The following MPPED2 variants were observed in gnomAD, a reference collection of about 807,000 sequenced individuals.
MPPED2 encodes metallophosphoesterase MPPED2.
MPPED2 carries 5 observed loss-of-function variants against 33.0 expected under a neutral mutation model. The observed-to-expected ratio is 0.15, with a 90% CI of 0.08 to 0.32. The LOEUF is 0.32. Among genes scored for constraint, MPPED2 ranks in the 10% least tolerant of loss-of-function variants. The pLI is 1.00. For synonymous variants in MPPED2, 136 were observed against 141.9 expected, an observed-to-expected ratio of 0.96 and a Z score of 0.29; for missense variants, 275 against 372.1, an observed-to-expected ratio of 0.74 and a Z score of 2.15.
intron 2 of MPPED2, among the ~76,000 whole-genome samples, chr11:30,545,457 C>T (rs1955361532): frequency 6.6e-6 from 1 of 152,118 alleles, no homozygotes; most frequent in African/African-American, 2.4e-5. Context: ...CAACATCCTA[C>T]ACCGAGTCTC....
At chr11:30,408,278 A>C (rs1948021215), downstream of MPPED2, among the ~76,000 whole-genome samples, 1 of 152,164 alleles carries the variant, frequency 6.6e-6, no homozygotes, top group Admixed American at 6.5e-5. Flanking sequence ...GCGAGCTGCT[A>C]CTTGAGGGAT....
chr11:30,491,435 C>T (rs1276627405), intron 4 of MPPED2, among the ~76,000 whole-genome samples: 1 of 152,184 alleles, frequency 6.6e-6, no homozygotes, highest in Non-Finnish European at 1.5e-5. Flanking sequence ...TCTAATCTCA[C>T]TCCTAGTCCC....
At chr11:30,557,694 C>A (rs975502159) in intron 2 of MPPED2, among the ~76,000 whole-genome samples, 3 of 152,156 alleles carry the variant, frequency 2.0e-5, no homozygotes, top group Non-Finnish European at 2.9e-5. Flanking sequence ...TCCCATATTC[C>A]CATTTATATA....
intron 3 of MPPED2, chr11:30,504,680 C>T (rs964201962): frequency 2.3e-6 from 2 of 880,442 alleles, no homozygotes; most frequent in Non-Finnish European, 3.2e-6. Context: ...CAGTCTGTCC[C>T]CCGTCAGGCT....
At chr11:30,521,004 A>T (rs1953844155) in intron 3 of MPPED2, among the ~76,000 whole-genome samples, 1 of 152,180 alleles carries the variant, frequency 6.6e-6, no homozygotes, top group African/African-American at 2.4e-5. Context: ...GAAAATTTTT[A>T]AATGAAAATG....
intron 3 of MPPED2, among the ~76,000 whole-genome samples, chr11:30,514,010 A>C (rs992160284): frequency 6.6e-6 from 1 of 152,148 alleles, no homozygotes; most frequent in African/African-American, 2.4e-5. Context: ...ATGCAAAGAT[A>C]CTTCATTATG....
rs151223493 is a variant in MPPED2 at position 30,552,755 on chromosome 11, C to A, written c.129-16580G>T. Reference sequence around the variant, plus strand: ...TTCTTAACCATTTCCCTTTGCTATACCCCCCAAAGGCTTTTAAGCTGTCAG... The same window carrying A: ...TTCTTAACCATTTCCCTTTGCTATAACCCCCAAAGGCTTTTAAGCTGTCAG... On this transcript the variant is annotated intron_variant, in intron 2 of 6. Transcript: ENST00000358117. Among the ~76,000 whole-genome samples the A allele has an allele frequency of 3.6e-3, 553 of 152,226 alleles. 1 individual carries two copies. Among genetic ancestry groups the A allele is most frequent in the African/African-American group, 0.011 (443 of 41,556 alleles).
chr11:30,431,880 T>G (rs2133848550), intron 4 of MPPED2, among the ~76,000 whole-genome samples: 1 of 152,300 alleles, frequency 6.6e-6, no homozygotes, highest in Middle Eastern at 3.4e-3. Flanking sequence ...CATTTCAAAT[T>G]CCACTTTTTT....
chr11:30,557,579 T>C (rs1956036887), intron 2 of MPPED2, among the ~76,000 whole-genome samples: 1 of 152,196 alleles, frequency 6.6e-6, no homozygotes, highest in Non-Finnish European at 1.5e-5. Context: ...TAGTTTCCTT[T>C]TGTTTTCTTT....
At chr11:30,476,382 T>A (rs556950787) in intron 4 of MPPED2, among the ~76,000 whole-genome samples, 213 of 152,184 alleles carry the variant, frequency 1.4e-3, no homozygotes, top group Non-Finnish European at 2.5e-3. Context: ...TTTTATAGAT[T>A]TCATTTTTTA....
chr11:30,528,791 G>T lies in MPPED2; in HGVS notation c.310+7203C>A, dbSNP rs535379406. On this transcript the variant is annotated intron_variant, in intron 3 of 6. Transcript: ENST00000358117. Reference sequence around the variant, plus strand: ...CTTTTAAAACCCTTTAAAGGGTGAAGATTTGCTGCCACTGAGGGTACCCAA... The same window carrying T: ...CTTTTAAAACCCTTTAAAGGGTGAATATTTGCTGCCACTGAGGGTACCCAA... 9.2e-5 allele frequency among the ~76,000 whole-genome samples: 14 copies of T among 152,228 alleles called. No individual in the cohort carries two copies. In the South Asian group the frequency reaches 2.9e-3, roughly 32 times the overall value.
chr11:30,416,014 T>C (rs866975569), intron 5 of MPPED2, among the ~76,000 whole-genome samples: 1 of 152,276 alleles, frequency 6.6e-6, no homozygotes, highest in African/African-American at 2.4e-5. Context: ...GGGTAACTCA[T>C]GCTGATCACA....
intron 3 of MPPED2, among the ~76,000 whole-genome samples, chr11:30,533,549 T>G (rs1954649860): frequency 6.6e-6 from 1 of 152,148 alleles, no homozygotes; most frequent in African/African-American, 2.4e-5. Flanking sequence ...TGGCAGCTGC[T>G]GCTAGAAGCA....
chr11:30,550,884 G>A (rs1039830356), intron 2 of MPPED2, among the ~76,000 whole-genome samples: 1 of 152,126 alleles, frequency 6.6e-6, no homozygotes, highest in African/African-American at 2.4e-5. Context: ...TATGCAAACT[G>A]GACTTGTGTT....
chr11:30,496,702 T>G (rs1952272278), intron 3 of MPPED2, among the ~76,000 whole-genome samples: 2 of 7,802 alleles, frequency 2.6e-4, no homozygotes, highest in East Asian at 3.4e-3. Flanking sequence ...GGAAGAGAAT[T>G]TTGTGGGCGG....
At chr11:30,467,302 G>A (rs1401790655) in intron 4 of MPPED2, among the ~76,000 whole-genome samples, 1 of 152,176 alleles carries the variant, frequency 6.6e-6, no homozygotes. Flanking sequence ...AGAATGAAAA[G>A]GGAGGGATTG....
intron 4 of MPPED2, among the ~76,000 whole-genome samples, chr11:30,460,317 A>C (rs1019274923): frequency 6.6e-6 from 1 of 152,140 alleles, no homozygotes. Context: ...AATGGAGAAA[A>C]ACCTTTACTG....
At chr11:30,391,512 C>A (rs562548111) in intron 6 of MPPED2, among the ~76,000 whole-genome samples, 13 of 152,198 alleles carry the variant, frequency 8.5e-5, no homozygotes, top group African/African-American at 3.1e-4. Flanking sequence ...CCTGGCTCTA[C>A]CACATATTGC....
At chr11:30,557,883 G>C (rs1250220522) in intron 2 of MPPED2, among the ~76,000 whole-genome samples, 1 of 152,232 alleles carries the variant, frequency 6.6e-6, no homozygotes, top group Non-Finnish European at 1.5e-5. Context: ...GAGGGAGAAA[G>C]TCAAATGTGA....
Sources: gnomAD v4.1 joint callset for allele counts (sites outside exome capture counted in the v4.1 genomes callset) on GRCh38, gnomAD v4.1.1 for gene constraint, MANE v1.5 for transcripts, NCBI Gene and HGNC (gene_info 2026-07-23, HGNC 2026-07-21) for gene names.